The following GABBR2 variants were observed in gnomAD, a reference collection of about 807,000 sequenced individuals.
GABBR2 encodes the protein gamma-aminobutyric acid type B receptor subunit 2, also known as G-protein coupled receptor 51.
Under a neutral mutation model 105.6 loss-of-function variants are expected in GABBR2, and 23 were observed. The ratio of observed to expected loss-of-function variants is 0.22; its 90% CI spans 0.16 to 0.31. GABBR2 has a LOEUF of 0.31. Among genes scored for constraint, GABBR2 ranks in the 10% least tolerant of loss-of-function variants. GABBR2 has a pLI of 1.00. For missense variants in GABBR2, 734 were observed against 1,245.5 expected (o/e 0.59, Z 6.18); for synonymous variants, 478 against 499.7 (o/e 0.96, Z 0.58).
At chr9:98,484,599 C>T (rs950501919) in intron 4 of GABBR2, among the ~76,000 whole-genome samples, 2 of 151,916 alleles carry the variant, frequency 1.3e-5, no homozygotes, top group Admixed American at 1.3e-4. Flanking sequence ...TTGGGGGGCA[C>T]CATAGAGCAG....
intron 3 of GABBR2, among the ~76,000 whole-genome samples, chr9:98,513,490 T>A (rs1268400550): frequency 2.8e-4 from 42 of 151,228 alleles, no homozygotes; most frequent in Non-Finnish European, 5.2e-4. Flanking sequence ...TGGGAGAAAA[T>A]TTTTGCAACC....
At chr9:98,318,914 TTG>T (rs1564014918) in intron 13 of GABBR2, among the ~76,000 whole-genome samples, 8,196 of 147,572 alleles carry the variant, frequency 0.056, 247 homozygotes, top group South Asian at 0.091. Flanking sequence ...TGTGTGTGTG[TTG>T]GGGGTGTGTG....
chr9:98,565,488 A>G (rs769023485), intron 2 of GABBR2, among the ~76,000 whole-genome samples: 1 of 152,178 alleles, frequency 6.6e-6, no homozygotes, highest in Non-Finnish European at 1.5e-5. Context: ...AGGCCCATCA[A>G]CTGGCCCAAC....
intron 13 of GABBR2, among the ~76,000 whole-genome samples, chr9:98,317,779 T>G (rs114510429): frequency 2.6e-3 from 398 of 152,336 alleles, no homozygotes; most frequent in African/African-American, 9.2e-3. Flanking sequence ...CTTGCCTTCT[T>G]GGAGGGTACA....
chr9:98,518,015 G>C (rs1392770955), intron 3 of GABBR2, among the ~76,000 whole-genome samples: 1 of 152,340 alleles, frequency 6.6e-6, no homozygotes, highest in African/African-American at 2.4e-5. Flanking sequence ...CAGTGAAAGA[G>C]AGCCAATGGG....
chr9:98,525,579 C>T (rs919866046), intron 3 of GABBR2, among the ~76,000 whole-genome samples: 2 of 152,174 alleles, frequency 1.3e-5, no homozygotes, highest in African/African-American at 2.4e-5. Context: ...ATGGTATATC[C>T]ATTGATGCAA....
At chr9:98,586,796 G>A (rs1346765934) in intron 1 of GABBR2, among the ~76,000 whole-genome samples, 1 of 152,222 alleles carries the variant, frequency 6.6e-6, no homozygotes, top group African/African-American at 2.4e-5. Context: ...TTTCATAGCT[G>A]TGTAATATGC....
At chr9:98,665,511 G>A (rs1830322398) in intron 1 of GABBR2, among the ~76,000 whole-genome samples, 1 of 152,090 alleles carries the variant, frequency 6.6e-6, no homozygotes, top group Non-Finnish European at 1.5e-5. Context: ...TGCAGCACAA[G>A]CAGCCCTAAC....
intron 13 of GABBR2, among the ~76,000 whole-genome samples, chr9:98,357,850 T>C (rs536169015): frequency 6.6e-6 from 1 of 152,304 alleles, no homozygotes; most frequent in Non-Finnish European, 1.5e-5. Flanking sequence ...GTGTTAAAAA[T>C]TGCCTTCTTC....
At chr9:98,631,620 C>T (rs1489393427) in intron 1 of GABBR2, among the ~76,000 whole-genome samples, 18 of 152,152 alleles carry the variant, frequency 1.2e-4, no homozygotes, top group Admixed American at 9.2e-4. Context: ...AGACTCAGTC[C>T]ACTCTCAATT....
At chr9:98,549,615 A>G (rs1035349913) in intron 2 of GABBR2, among the ~76,000 whole-genome samples, 1 of 152,162 alleles carries the variant, frequency 6.6e-6, no homozygotes, top group African/African-American at 2.4e-5. Context: ...GGGCTGGTGG[A>G]TAAGACTGCC....
In GABBR2 at chr9:98,473,260, C is replaced by T. The variant is rs200940989; in HGVS notation, c.885G>A (p.Thr295=). 8 of 1,612,030 alleles carry T rather than the reference C, an allele frequency of 5.0e-6. No individual in the cohort carries two copies. The highest frequency in any genetic ancestry group is 2.7e-5 in the African/African-American group (2 of 74,292). Residue 295 remains threonine (T), a synonymous_variant, in exon 6 of 19, where the codon ACG becomes ACA. Coordinates refer to ENST00000259455, the MANE Select transcript of GABBR2 (RefSeq NM_005458.8). ...YEPSWWEQVH[T]EANSSRCLRK... The stretch of plus-strand genomic sequence containing the variant: ...GGAGGCAGCGGGATGAGTTGGCTTC[C>T]GTGTGCACCTGCTCCCACCAAGAAG...
chr9:98,482,421 C>T (rs1386237289), intron 4 of GABBR2, among the ~76,000 whole-genome samples: 1 of 152,336 alleles, frequency 6.6e-6, no homozygotes, highest in South Asian at 2.1e-4. Flanking sequence ...GTCATCACCA[C>T]GTCTGCAATG....
In GABBR2 at chr9:98,394,252, C is replaced by A. The variant is rs1238613041; in HGVS notation, c.1301G>T (p.Ser434Ile). ...GTIKFTQFQD[S>I]REVKVGEYNA... Reference sequence around the variant, plus strand: ...GTACTCTCCCACCTTCACCTCCCTGCTGTCTGTGGGGAGCAAAAGACAGTG... The same window carrying A: ...GTACTCTCCCACCTTCACCTCCCTGATGTCTGTGGGGAGCAAAAGACAGTG... The change falls in exon 9 of 19, where the codon AGC becomes ATC. Residue 434 changes from serine (S) to isoleucine (I), a missense_variant. Ser to Ile is a moderately radical substitution (Grantham distance 142). Coordinates refer to ENST00000259455, the MANE Select transcript of GABBR2 (RefSeq NM_005458.8). The A allele has an allele frequency of 6.2e-7, 1 of 1,612,424 alleles. No homozygotes were observed. Among genetic ancestry groups the A allele is most frequent in the Non-Finnish European group, 8.5e-7 (1 of 1,178,482 alleles).
intron 1 of GABBR2, among the ~76,000 whole-genome samples, chr9:98,588,759 T>G (rs1829108186): frequency 1.3e-5 from 2 of 151,948 alleles, no homozygotes; most frequent in Admixed American, 1.3e-4. Context: ...GACAATTAGG[T>G]GTGACCACCG....
intron 13 of GABBR2, among the ~76,000 whole-genome samples, chr9:98,318,139 G>A (rs992506387): frequency 3.3e-5 from 5 of 152,214 alleles, no homozygotes; most frequent in Non-Finnish European, 7.3e-5. Context: ...CGAGAGGACA[G>A]CATGGCTTCT....
chr9:98,314,734 C>T (rs923569492), intron 13 of GABBR2, among the ~76,000 whole-genome samples: 17 of 152,182 alleles, frequency 1.1e-4, no homozygotes, highest in African/African-American at 4.1e-4. Context: ...TTTGAGTCTG[C>T]ACACCTTCCA....
At chr9:98,625,506 G>T (rs563619674) in intron 1 of GABBR2, among the ~76,000 whole-genome samples, 1 of 152,328 alleles carries the variant, frequency 6.6e-6, no homozygotes, top group East Asian at 1.9e-4. Flanking sequence ...TTCCTCCTGA[G>T]GGGTCTTGGA....
chr9:98,622,313 C>T (rs1030777309), intron 1 of GABBR2, among the ~76,000 whole-genome samples: 1 of 151,970 alleles, frequency 6.6e-6, no homozygotes, highest in Admixed American at 6.5e-5. Context: ...TATAGGCGCA[C>T]ATTGCTACAC....
Sources: allele counts gnomAD v4.1 joint callset (sites outside exome capture counted in the v4.1 genomes callset), GRCh38; gene constraint gnomAD v4.1.1; transcripts MANE v1.5; gene names NCBI Gene and HGNC (gene_info 2026-07-23, HGNC 2026-07-21).